ATAD2B: variants seen among roughly 807,000 people sequenced by gnomAD.
ATAD2B encodes the protein ATPase family AAA domain containing 2B.
ATAD2B carries 40 observed loss-of-function variants against 167.6 expected under a neutral mutation model. The observed-to-expected ratio is 0.24, with a 90% CI of 0.19 to 0.31. The LOEUF (loss-of-function observed/expected upper bound fraction) is 0.31, where lower values mean the gene tolerates loss of function less well. Among genes scored for constraint, ATAD2B ranks in the 10% least tolerant of loss-of-function variants. The pLI is 1.00. For missense variants in ATAD2B, 1,242 were observed against 1,757.2 expected (o/e 0.71, Z 5.24); for synonymous variants, 579 against 596.5 (o/e 0.97, Z 0.43).
chr2:23,766,881 G>C (rs543986738), intron 22 of ATAD2B, among the ~76,000 whole-genome samples: 1 of 149,076 alleles, frequency 6.7e-6, no homozygotes, highest in South Asian at 2.2e-4. Flanking sequence ...ACTGACACTT[G>C]AAGCACAGAC....
At position 23,824,566 on chromosome 2, in the gene ATAD2B, C is replaced by T. The variant is rs138834867; in HGVS notation, c.1820-997G>A. Among the ~76,000 whole-genome samples the T allele has an allele frequency of 1.0e-2, 1,518 of 152,162 alleles. 12 individuals are homozygous for T. The highest frequency in any genetic ancestry group is 0.013 in the Non-Finnish European group (854 of 67,994). On this transcript the variant is annotated intron_variant, in intron 15 of 27. Transcript: ENST00000238789. ...CCAAATATATTAAAGTAAATAAGAA[C>T]ATTAAAAATATTTCCACTGATTTTC... is the stretch of plus-strand genomic sequence containing the variant.
At chr2:23,809,493 G>GT (rs1189089299) in intron 18 of ATAD2B, among the ~76,000 whole-genome samples, 1 of 152,104 alleles carries the variant, frequency 6.6e-6, no homozygotes, top group Non-Finnish European at 1.5e-5. Flanking sequence ...TTCGGAAAAT[G>GT]TAACTGGGAA....
At chr2:23,831,661 A>T (rs1386842148) in intron 14 of ATAD2B, among the ~76,000 whole-genome samples, 1 of 152,182 alleles carries the variant, frequency 6.6e-6, no homozygotes, top group African/African-American at 2.4e-5. Flanking sequence ...ATCACCAAAG[A>T]TGTCCACCCA....
At chr2:23,789,948 A>C (rs1172883559) in intron 19 of ATAD2B, among the ~76,000 whole-genome samples, 1 of 152,208 alleles carries the variant, frequency 6.6e-6, no homozygotes, top group Non-Finnish European at 1.5e-5. Context: ...AAACAATGAA[A>C]GGTAAACATC....
chr2:23,877,075 A>G (rs990252664), intron 7 of ATAD2B, among the ~76,000 whole-genome samples: 161 of 151,418 alleles, frequency 1.1e-3, no homozygotes, highest in Admixed American at 4.5e-3. Context: ...CTCAAAAAAA[A>G]AAAAAAAAAG....
At chr2:23,833,390 G>GA (rs11369516) in intron 14 of ATAD2B, among the ~76,000 whole-genome samples, 150,511 of 151,606 alleles carry the variant, frequency 0.99, 74,719 homozygotes, top group South Asian at 1. Flanking sequence ...GTTGAATTGG[G>GA]AAAAAAAAAT....
At chr2:23,783,269 T>C (rs1338118973) in intron 21 of ATAD2B, among the ~76,000 whole-genome samples, 1 of 151,690 alleles carries the variant, frequency 6.6e-6, no homozygotes, top group African/African-American at 2.4e-5. Context: ...TTCTTAAAAT[T>C]TGAAACCATG....
At position 23,840,579 on chromosome 2, in the gene ATAD2B, TA is replaced by T. The variant is rs140928506; in HGVS notation, c.1569-6502del. On this transcript the variant is annotated intron_variant, in intron 13 of 27. Transcript: ENST00000238789. Reference sequence around the variant, plus strand: ...TGCTTTTTGTTATTTTTCTGTTTTGTATATTACCAAACTTTAGAAAATTAGT... The same window carrying T: ...TGCTTTTTGTTATTTTTCTGTTTTGTTATTACCAAACTTTAGAAAATTAGT... Among the ~76,000 whole-genome samples, 31 of 152,356 alleles carry T rather than the reference TA, an allele frequency of 2.0e-4. No individual in the cohort carries two copies. In the East Asian group the frequency reaches 5.2e-3, roughly 26 times the overall value.
At position 23,823,852 on chromosome 2, in the gene ATAD2B, A is replaced by G. The variant is rs531542669; in HGVS notation, c.1820-283T>C. ...AAACAAAACAAGCTATGTATCTTAAATATGTCCTTGATATGAGCTTTAAAA... is the reference window on the plus strand; with the variant it reads ...AAACAAAACAAGCTATGTATCTTAAGTATGTCCTTGATATGAGCTTTAAAA... On this transcript the variant is annotated intron_variant, in intron 15 of 27. Coordinates refer to ENST00000238789, the MANE Select transcript of ATAD2B (RefSeq NM_017552.4). 9.2e-5 allele frequency among the ~76,000 whole-genome samples: 14 copies of G among 152,348 alleles called. No homozygotes were observed. The South Asian group carries it at 2.9e-3, about 32-fold the overall frequency.
At chr2:23,736,468 A>G in the ATAD2B span, among the ~76,000 whole-genome samples, 1 of 152,344 alleles carries the variant, frequency 6.6e-6, no homozygotes, top group South Asian at 2.1e-4. Context: ...CTATGCAAGG[A>G]AAAGAAAAAC....
chr2:23,881,296 G>A (rs1697852533), intron 6 of ATAD2B, among the ~76,000 whole-genome samples: 1 of 151,860 alleles, frequency 6.6e-6, no homozygotes, highest in Admixed American at 6.6e-5. Flanking sequence ...AGCATTGAGA[G>A]GGAGCATGAA....
Position 23,808,124 on chromosome 2 carries a change from T to TA in ATAD2B, c.2454+2191_2454+2192insT, listed in dbSNP as rs1558570147. On this transcript the variant is annotated intron_variant, in intron 18 of 27. Transcript: ENST00000238789. ...ATATAAGTAATTATATATATAATTA[T>TA]TATATATAAGTGATTACTTATATTA... is the stretch of plus-strand genomic sequence containing the variant. 4.4e-3 allele frequency among the ~76,000 whole-genome samples: 77 copies of TA among 17,690 alleles called. 1 individual carries two copies. The highest frequency in any genetic ancestry group is 0.024 in the Middle Eastern group (1 of 42). The allele number at this position is 17,690 out of a possible 152,430, so 11.6% of individuals were successfully genotyped here.
intron 12 of ATAD2B, among the ~76,000 whole-genome samples, chr2:23,858,761 G>A (rs1185689886): frequency 6.6e-6 from 1 of 152,090 alleles, no homozygotes; most frequent in Non-Finnish European, 1.5e-5. Context: ...GGGATTACAG[G>A]TCTGAGATAC....
chr2:23,789,908 T>C (rs1681395041), intron 19 of ATAD2B, among the ~76,000 whole-genome samples: 1 of 152,154 alleles, frequency 6.6e-6, no homozygotes, highest in Non-Finnish European at 1.5e-5. Context: ...GTCAATGCCT[T>C]TTCCAGCTCT....
chr2:23,844,146 G>T (rs939173079), intron 13 of ATAD2B, among the ~76,000 whole-genome samples: 2 of 152,074 alleles, frequency 1.3e-5, no homozygotes, highest in Admixed American at 1.3e-4. Context: ...CACCATGTTG[G>T]CCAGGCTGGT....
intron 6 of ATAD2B, among the ~76,000 whole-genome samples, chr2:23,884,190 C>T (rs77762418): frequency 0.05 from 7,614 of 152,110 alleles, 256 homozygotes; most frequent in Middle Eastern, 0.075. Flanking sequence ...TATAGGTGTA[C>T]TGTTCATCAA....
chr2:23,751,026 TAAAAC>T lies in ATAD2B; in HGVS notation c.*1015_*1019del, dbSNP rs1280435169. ...CTGTCCATTTGGCAAGTCCTGGCTTTAAAACAAAACAACAATTTACTACATATGAA... is the reference window on the plus strand; with the variant it reads ...CTGTCCATTTGGCAAGTCCTGGCTTTAAAACAACAATTTACTACATATGAA... On this transcript the variant is annotated 3_prime_UTR_variant, in exon 28 of 28. Transcript: ENST00000238789. The T allele has an allele frequency of 6.6e-6, 1 of 152,148 alleles. No homozygotes were observed. Among genetic ancestry groups the T allele is most frequent in the Non-Finnish European group, 1.5e-5 (1 of 68,008 alleles). 9.4% of individuals were successfully genotyped at this position (152,148 alleles called of 1,614,324 possible). A position where few individuals can be genotyped will look rare whatever the true frequency, so the allele number is the denominator to read the frequency against.
chr2:23,725,226 C>T, the ATAD2B span, among the ~76,000 whole-genome samples: 16 of 151,930 alleles, frequency 1.1e-4, no homozygotes, highest in East Asian at 7.7e-4. Context: ...ACATATTCTT[C>T]GGAAATAAAG....
chr2:23,723,373 G>A, the ATAD2B span, among the ~76,000 whole-genome samples: 7 of 147,900 alleles, frequency 4.7e-5, no homozygotes, highest in African/African-American at 1.0e-4. Context: ...GGGAGGGGAA[G>A]GGAGGGGCAG....
Sources: allele counts gnomAD v4.1 joint callset (sites outside exome capture counted in the v4.1 genomes callset), GRCh38; gene constraint gnomAD v4.1.1; transcripts MANE v1.5; gene names NCBI Gene and HGNC (gene_info 2026-07-23, HGNC 2026-07-21).